DNAH3: variants seen among roughly 807,000 people sequenced by gnomAD.
The protein encoded by DNAH3 is axonemal beta dynein heavy chain 3.
A neutral mutation model predicts 432.5 loss-of-function variants in DNAH3; 332 were observed. That is an observed-to-expected ratio of 0.77 (90% CI 0.70 to 0.84). DNAH3 has a LOEUF of 0.84. Ranked by LOEUF, DNAH3 falls within the 40% of genes least tolerant of loss-of-function variation. The pLI is 0.00. For synonymous variants in DNAH3, 1,956 were observed against 1,900.2 expected, an observed-to-expected ratio of 1.03 and a Z score of -0.76; for missense variants, 4,861 against 5,114.0, an observed-to-expected ratio of 0.95 and a Z score of 1.51.
intron 1 of DNAH3, 44 bp from the exon 2 acceptor site, chr16:21,150,578 G>A: frequency 4.8e-6 from 1 of 206,918 alleles, no homozygotes; most frequent in Non-Finnish European, 1.0e-5. Context: ...TAAGGGGACA[G>A]CACTGGGTTT....
intron 1 of DNAH3, among the ~76,000 whole-genome samples, chr16:21,149,175 G>C (rs1597495562): frequency 6.6e-6 from 1 of 150,868 alleles, no homozygotes; most frequent in South Asian, 2.1e-4. Context: ...GCTTCAGTGA[G>C]TGAAGATCAC....
At chr16:20,939,441 G>A (rs997251595) in intron 59 of DNAH3, among the ~76,000 whole-genome samples, 1 of 152,050 alleles carries the variant, frequency 6.6e-6, no homozygotes, top group Non-Finnish European at 1.5e-5. Context: ...GCGAAATCCT[G>A]TCTCTACTAA....
chr16:20,985,313 T>C, exon 48 of DNAH3: 1 of 1,614,252 alleles, frequency 6.2e-7, no homozygotes, highest in Non-Finnish European at 8.5e-7. Flanking sequence ...ACCTGCAGTA[T>C]GATCTTCTTA....
At chr16:21,089,464 C>T (rs969413420) in intron 18 of DNAH3, among the ~76,000 whole-genome samples, 3 of 152,074 alleles carry the variant, frequency 2.0e-5, no homozygotes, top group Non-Finnish European at 2.9e-5. Context: ...TATTCTGAGT[C>T]ATAAAACAAA....
chr16:21,025,128 T>C (rs1597171017), intron 38 of DNAH3, among the ~76,000 whole-genome samples: 2 of 152,116 alleles, frequency 1.3e-5, no homozygotes, highest in Non-Finnish European at 2.9e-5. Flanking sequence ...GGTTTTGTCT[T>C]TAGTAGAGAC....
chr16:21,034,187 C>A, intron 35 of DNAH3, 102 bp from the exon 36 acceptor site: 1 of 710,024 alleles, frequency 1.4e-6, no homozygotes. Flanking sequence ...GAAGAGGATT[C>A]TCACAGTTGC....
chr16:21,083,939 T>C (rs1805521678), intron 19 of DNAH3, among the ~76,000 whole-genome samples: 1 of 152,164 alleles, frequency 6.6e-6, no homozygotes, highest in Non-Finnish European at 1.5e-5. Context: ...ATTTAGGGGC[T>C]CACTCCTTGG....
intron 20 of DNAH3, among the ~76,000 whole-genome samples, chr16:21,077,210 T>C (rs943706739): frequency 1.3e-5 from 2 of 152,106 alleles, no homozygotes; most frequent in African/African-American, 4.8e-5. Flanking sequence ...ATGCCCAGGG[T>C]GGAGTGCAGT....
chr16:21,039,093 G>T (rs1304232587), intron 33 of DNAH3, among the ~76,000 whole-genome samples: 1 of 151,910 alleles, frequency 6.6e-6, no homozygotes, highest in Admixed American at 6.5e-5. Context: ...ATAACTGTGT[G>T]TCTTAGAAAA....
chr16:20,959,884 A>G (rs1224393013), intron 53 of DNAH3, among the ~76,000 whole-genome samples: 1 of 152,202 alleles, frequency 6.6e-6, no homozygotes, highest in Non-Finnish European at 1.5e-5. Context: ...GTTTGAAAGA[A>G]AAGGATATTC....
At chr16:21,032,004 C>T (rs1384992367) in intron 36 of DNAH3, among the ~76,000 whole-genome samples, 3 of 150,874 alleles carry the variant, frequency 2.0e-5, no homozygotes, top group Non-Finnish European at 2.9e-5. Flanking sequence ...CACTGCACTC[C>T]AGCCTGGGCG....
At chr16:21,098,885 T>C (rs1467845238) in intron 16 of DNAH3, 116 bp from the exon 17 acceptor site, 1 of 1,031,132 alleles carries the variant, frequency 9.7e-7, no homozygotes, top group African/African-American at 1.6e-5. Flanking sequence ...TACCTGCAGA[T>C]TTCCTCCCCC....
intron 47 of DNAH3, 95 bp from the exon 48 acceptor site, chr16:20,985,810 A>G: frequency 7.9e-7 from 1 of 1,265,864 alleles, no homozygotes; most frequent in Non-Finnish European, 1.1e-6. Context: ...GACGTGGCTT[A>G]TTTCCTCTGA....
intron 44 of DNAH3, among the ~76,000 whole-genome samples, chr16:20,992,629 C>G (rs945848400): frequency 1.3e-5 from 2 of 152,032 alleles, no homozygotes; most frequent in Non-Finnish European, 2.9e-5. Flanking sequence ...CGTGAGCCAC[C>G]GCTCCTGGCC....
rs753902268 is a variant in DNAH3 at position 20,963,584 on chromosome 16, C to T, written c.10300G>A (p.Gly3434Ser). ...TTCTGTTCCAAATGCTCCATCAGGC[C>T]ATGCAGTTTGGGTAAGGCAGATGCA... Residue 3434 changes from glycine (G) to serine (S), a missense_variant, in exon 53 of 62, where the codon GGC becomes AGC. By Grantham distance (56) the Gly-to-Ser change is moderately conservative. Coordinates refer to ENST00000261383, the Ensembl canonical transcript of DNAH3. 5 of 1,613,858 alleles carry T rather than the reference C, an allele frequency of 3.1e-6. No individual in the cohort carries two copies. The African/African-American group carries it at 6.7e-5, about 22-fold the overall frequency.
At chr16:21,052,848 G>T (rs534940491) in intron 28 of DNAH3, among the ~76,000 whole-genome samples, 3 of 152,150 alleles carry the variant, frequency 2.0e-5, no homozygotes, top group Non-Finnish European at 4.4e-5. Context: ...TGCAATCAGC[G>T]TGGCCTTATA....
chr16:20,987,497 G>A (rs1567589489), intron 46 of DNAH3, 49 bp from the exon 47 acceptor site: 6 of 1,608,958 alleles, frequency 3.7e-6, no homozygotes, highest in Non-Finnish European at 5.1e-6. Context: ...TGGTCCCTGA[G>A]GTGGTAGTTC....
At chr16:21,152,091 G>A (rs543986377) in intron 1 of DNAH3, among the ~76,000 whole-genome samples, 20 of 151,904 alleles carry the variant, frequency 1.3e-4, no homozygotes, top group Non-Finnish European at 2.8e-4. Flanking sequence ...AAAATTAGCC[G>A]GGCATGGTGG....
chr16:21,046,491 T>A (rs1394433971), intron 31 of DNAH3, among the ~76,000 whole-genome samples: 1 of 151,904 alleles, frequency 6.6e-6, no homozygotes, highest in Non-Finnish European at 1.5e-5. Context: ...GAGACTAGGA[T>A]TGCAACCCCT....
Sources: gnomAD v4.1 joint callset for allele counts (sites outside exome capture counted in the v4.1 genomes callset) on GRCh38, gnomAD v4.1.1 for gene constraint, MANE v1.5 for transcripts, NCBI Gene and HGNC (gene_info 2026-07-23, HGNC 2026-07-21) for gene names.